Variants in ARAP1 observed in about 807,000 individuals in gnomAD.
ARAP1 encodes arf-GAP with Rho-GAP domain, ANK repeat and PH domain-containing protein 1.
ARAP1 carries 76 observed loss-of-function variants against 172.2 expected under a neutral mutation model. The observed-to-expected ratio is 0.44, with a 90% CI of 0.37 to 0.53. The LOEUF is 0.53. Among genes scored for constraint, ARAP1 ranks in the 20% least tolerant of loss-of-function variants. The probability of loss-of-function intolerance (pLI) is 0.00; values close to 1 mark genes in which losing one functional copy is unlikely to be tolerated. For missense variants in ARAP1, 1,686 were observed against 1,977.5 expected (o/e 0.85, Z 2.80); for synonymous variants, 804 against 803.3 (o/e 1.00, Z -0.01).
At position 72,693,354 on chromosome 11, in the gene ARAP1, T is replaced by G; in HGVS notation, c.3925A>C (p.Ser1309Arg). Residue 1309 changes from serine to arginine, a missense_variant, in exon 29 of 35, where the codon AGC becomes CGC. Around this residue, in one of 5 missense-constraint regions of ARAP1, gnomAD observed 379 missense variants for 500.1 expected, o/e 0.76. Transcript: ENST00000393609. The surrounding 1 kb of genome is among the most constrained non-coding windows in gnomAD (Gnocchi z 4.6). The stretch of plus-strand genomic sequence containing the variant: ...ACCTCCTTGTAGAGCCGCAAGCAGC[T>G]GCTGTTGAGGATGAAGTAGCGATCG... ...FHDRYFILNSSCLRLYKEVRS... is the reference protein window; with the variant it reads ...FHDRYFILNSRCLRLYKEVRS... 1 of 1,613,808 alleles carries G rather than the reference T, an allele frequency of 6.2e-7. No individual in the cohort carries two copies. Among genetic ancestry groups the G allele is most frequent in the Non-Finnish European group, 8.5e-7 (1 of 1,179,808 alleles).
chr11:72,739,358 G>A (rs981400788), intron 1 of ARAP1, among the ~76,000 whole-genome samples: 8 of 152,178 alleles, frequency 5.3e-5, no homozygotes, highest in Non-Finnish European at 1.2e-4. Flanking sequence ...GTCTTCTGGG[G>A]TCTCCGGAGT....
rs748374789 is a variant in ARAP1 at position 72,705,835 on chromosome 11, G to A, written c.1779C>T (p.Asp593=). The part of the protein sequence containing the change: ...GVSKVRSLKM[D]RKVWTETLIE... ...TAAGTGTTTCTGTCCACACCTTCCT[G>A]TCCATCTTCAGGCTCCGCACCTTGG... The change falls in exon 13 of 35, where the codon GAC becomes GAT. Residue 593 remains aspartate (D), a synonymous_variant. Coordinates refer to ENST00000393609, the MANE Select transcript of ARAP1 (RefSeq NM_001040118.3). 7 of 1,614,026 alleles carry A rather than the reference G, an allele frequency of 4.3e-6. No homozygotes were observed. Among genetic ancestry groups the A allele is most frequent in the Non-Finnish European group, 4.2e-6 (5 of 1,179,992 alleles).
chr11:72,691,089 T>C (rs1239545164), intron 30 of ARAP1, among the ~76,000 whole-genome samples: 1 of 152,212 alleles, frequency 6.6e-6, no homozygotes, highest in African/African-American at 2.4e-5. Context: ...AGTCTGAGAC[T>C]TCCAGGAATA....
intron 3 of ARAP1, chr11:72,722,349 A>C: frequency 1.0e-6 from 1 of 985,488 alleles, no homozygotes; most frequent in Non-Finnish European, 1.2e-6. Context: ...ACACTGAGAA[A>C]GCGAAAAGTC....
At chr11:72,723,899 C>A (rs952469987) in intron 3 of ARAP1, among the ~76,000 whole-genome samples, 2 of 152,228 alleles carry the variant, frequency 1.3e-5, no homozygotes, top group African/African-American at 4.8e-5. Flanking sequence ...TGTACACACA[C>A]GTGCACACAC....
chr11:72,706,333 T>C (rs1856762364), intron 12 of ARAP1, among the ~76,000 whole-genome samples: 1 of 152,088 alleles, frequency 6.6e-6, no homozygotes, highest in Non-Finnish European at 1.5e-5. Flanking sequence ...CTTCCTGCCA[T>C]TCAGATCTCA....
chr11:72,751,290 A>T (rs1858524442), intron 1 of ARAP1, among the ~76,000 whole-genome samples: 1 of 152,224 alleles, frequency 6.6e-6, no homozygotes, highest in African/African-American at 2.4e-5. Flanking sequence ...CATTCCTCAG[A>T]CACACCATCC....
chr11:72,701,512 T>C (rs1339842226), intron 16 of ARAP1, 137 bp downstream of exon 16: 2 of 1,246,600 alleles, frequency 1.6e-6, no homozygotes, highest in East Asian at 2.4e-5. Flanking sequence ...GTACCTACTG[T>C]GTACCACAGA....
chr11:72,749,074 A>G (rs558812769), intron 1 of ARAP1, among the ~76,000 whole-genome samples: 50 of 152,282 alleles, frequency 3.3e-4, no homozygotes, highest in Non-Finnish European at 6.5e-4. Flanking sequence ...AAGAAATGAG[A>G]AGAGCTGCCC....
rs1204940788 is a variant in ARAP1 at position 72,711,059 on chromosome 11, G to T, written c.1175C>A (p.Thr392Lys). 6.2e-7 allele frequency: 1 copy of T among 1,614,226 alleles called. No individual in the cohort carries two copies. Residue 392 changes from threonine (T) to lysine (K), a missense_variant, in exon 9 of 35, where the codon ACA becomes AAA. Physicochemically the swap from Thr to Lys is moderately conservative, Grantham distance 78 (BLOSUM62 -1). Transcript: ENST00000393609. ...CCGGAAGGCAAAGGTTCGGTTGTTT[G>T]TGATCACTTCAAACTTCTGGTCCCC... Reference protein sequence around the residue: ...AIGDQKFEVITNNRTFAFRAE... With the variant: ...AIGDQKFEVIKNNRTFAFRAE...
intron 1 of ARAP1, among the ~76,000 whole-genome samples, chr11:72,735,261 C>T (rs1286490717): frequency 2.6e-5 from 4 of 151,958 alleles, no homozygotes; most frequent in African/African-American, 7.2e-5. Context: ...GGATTACAGG[C>T]GTGAGCCACC....
chr11:72,735,995 C>T (rs549325235), intron 1 of ARAP1, among the ~76,000 whole-genome samples: 7 of 152,192 alleles, frequency 4.6e-5, no homozygotes, highest in Admixed American at 1.3e-4. Context: ...GAAGGCTTCC[C>T]GGAGAAAGCA....
chr11:72,693,926 G>A lies in ARAP1; in HGVS notation c.3695-121C>T, dbSNP rs761377357. The A allele has an allele frequency of 3.4e-4, 247 of 733,886 alleles. 2 individuals carry two copies. The highest frequency in any genetic ancestry group is 4.8e-4 in the Non-Finnish European group (219 of 454,998). The allele number at this position is 733,886 out of a possible 1,614,324, so 45.5% of individuals were successfully genotyped here. On this transcript the variant is annotated intron_variant, in intron 27 of 34. Coordinates refer to ENST00000393609, the MANE Select transcript of ARAP1 (RefSeq NM_001040118.3). This position sits in a 1 kb window ranked among gnomAD's most constrained non-coding sequence, Gnocchi z 4.6. Reference sequence around the variant, plus strand: ...CACTCCAACCATATGCAAGTGCCACGACACAAAACACCACCATCATGACCA... The same window carrying A: ...CACTCCAACCATATGCAAGTGCCACAACACAAAACACCACCATCATGACCA...
intron 2 of ARAP1, among the ~76,000 whole-genome samples, chr11:72,731,624 A>G (rs1857871951): frequency 6.6e-6 from 1 of 152,224 alleles, no homozygotes; most frequent in Non-Finnish European, 1.5e-5. Flanking sequence ...CTTGATTGCA[A>G]TACAAAACAG....
At chr11:72,745,355 A>ATTTTTTTTTTTTTTT in intron 1 of ARAP1, among the ~76,000 whole-genome samples, 2 of 110,746 alleles carry the variant, frequency 1.8e-5, no homozygotes, top group Non-Finnish European at 3.6e-5. Flanking sequence ...CGTCCGGCTA[A>ATTTTTTTTTTTTTTT]TTTTTTTTTT....
chr11:72,719,569 T>C (rs1371906378), intron 3 of ARAP1, among the ~76,000 whole-genome samples: 1 of 152,158 alleles, frequency 6.6e-6, no homozygotes, highest in African/African-American at 2.4e-5. Flanking sequence ...CTCTTCACCT[T>C]GAAGGAGACC....
In ARAP1 at chr11:72,702,926, G is replaced by A. The variant is rs1364544265; in HGVS notation, c.2146C>T (p.Leu716Phe). The A allele has an allele frequency of 1.3e-6, 2 of 1,557,272 alleles. No individual in the cohort carries two copies. Among genetic ancestry groups the A allele is most frequent in the Non-Finnish European group, 1.7e-6 (2 of 1,149,972 alleles). The change falls in exon 15 of 35, where the codon CTT (leucine) becomes TTT (phenylalanine). Residue 716 changes from leucine to phenylalanine, a missense_variant. Leu to Phe is a conservative substitution (Grantham distance 22). Coordinates refer to ENST00000393609, the MANE Select transcript of ARAP1 (RefSeq NM_001040118.3). The part of the protein sequence containing the change: ...QAGQTLQMEF[L>F]RNNRTTEVPR... ...TCACCTGTGGTCCGGTTGTTCCGAA[G>A]GAATTCCATCTGCAGCGTCTGCCCC... is the stretch of plus-strand genomic sequence containing the variant.
chr11:72,734,081 C>A (rs574553289), intron 1 of ARAP1, among the ~76,000 whole-genome samples: 3 of 151,940 alleles, frequency 2.0e-5, no homozygotes, highest in Admixed American at 6.5e-5. Context: ...CCACCTCAGC[C>A]CCCCCAGTTG....
intron 31 of ARAP1, among the ~76,000 whole-genome samples, chr11:72,688,104 T>A (rs576194441): frequency 1.3e-5 from 2 of 152,146 alleles, no homozygotes; most frequent in African/African-American, 4.8e-5. Flanking sequence ...ACTCAAGCGA[T>A]CCTCCCGCCT....
Sources: gnomAD v4.1 joint callset for allele counts (sites outside exome capture counted in the v4.1 genomes callset) on GRCh38, gnomAD v4.1.1 for gene constraint, gnomAD v4.1.1 regional missense constraint, Gnocchi (gnomAD v3.1) non-coding constraint, MANE v1.5 for transcripts, NCBI Gene and HGNC (gene_info 2026-07-23, HGNC 2026-07-21) for gene names.